The following ETV4 variants were observed in gnomAD, a reference collection of about 807,000 sequenced individuals.
ETV4 encodes the protein ETS variant transcription factor 4.
ETV4 carries 42 observed loss-of-function variants against 65.9 expected under a neutral mutation model. That is an observed-to-expected ratio of 0.64 (90% confidence interval 0.50 to 0.82). The LOEUF (loss-of-function observed/expected upper bound fraction) is 0.82, where lower values mean the gene tolerates loss of function less well. ETV4 is among the 40% of genes least tolerant of loss of function. ETV4 has a pLI of 0.00. For synonymous variants in ETV4, 238 were observed against 260.0 expected (o/e 0.92, Z 0.81); for missense variants, 583 against 630.3 (o/e 0.92, Z 0.80).
At chr17:43,532,447 A>G (rs1746862393) in intron 8 of ETV4, among the ~76,000 whole-genome samples, 1 of 152,058 alleles carries the variant, frequency 6.6e-6, no homozygotes, top group African/African-American at 2.4e-5. Context: ...TGCAGTGAGC[A>G]GAGATCGTGC....
intron 10 of ETV4, 26 bp downstream of exon 10, chr17:43,529,858 C>T (rs1200133092): frequency 1.9e-6 from 3 of 1,612,812 alleles, no homozygotes; most frequent in Non-Finnish European, 2.5e-6. Context: ...GACCTTGACC[C>T]TCCCATCAAC....
Position 43,533,172 on chromosome 17 carries a change from T to C in ETV4, c.545+15A>G, listed in dbSNP as rs778225245. On this transcript the variant is annotated intron_variant, in intron 7 of 12. Coordinates refer to ENST00000319349, the MANE Select transcript of ETV4 (RefSeq NM_001079675.5). ...CACCTGGGCCCATGAGCAGTGGGTT[T>C]CCCTGTCTCCTTACCTATGTTCCCC... 1 of 1,612,766 alleles carries C rather than the reference T, an allele frequency of 6.2e-7. No homozygotes were observed.
chr17:43,545,641 G>T lies in ETV4; in HGVS notation c.-24C>A. The T allele has an allele frequency of 6.5e-7, 1 of 1,549,686 alleles. No individual in the cohort carries two copies. The highest frequency in any genetic ancestry group is 8.7e-7 in the Non-Finnish European group (1 of 1,146,648). On this transcript the variant is annotated 5_prime_UTR_variant, in exon 2 of 13. Transcript: ENST00000319349. ...ATCCGGCCGCTCCCTCCGGCCGCAC[G>T]GCCGGGGCCCCAAGCGGGGGCCGAG...
chr17:43,529,020 G>A, intron 12 of ETV4, 115 bp downstream of exon 12: 1 of 1,016,220 alleles, frequency 9.8e-7, no homozygotes, highest in Non-Finnish European at 1.5e-6. Flanking sequence ...CTCTCTGACT[G>A]ATTCATTATC....
chr17:43,528,674 C>G lies in ETV4; in HGVS notation c.1300G>C (p.Asp434His), dbSNP rs1253256854. 5 of 1,614,042 alleles carry G rather than the reference C, an allele frequency of 3.1e-6. No homozygotes were observed. Among genetic ancestry groups the G allele is most frequent in the Non-Finnish European group, 4.2e-6 (5 of 1,180,046 alleles). ...PEALFSLAFP[D>H]NQRPALKAEF... is the part of the protein sequence containing the mutation. ...GCCTTGAGAGCTGGACGCTGATTGT[C>G]CGGGAAGGCCAAAGAGAAGAGGGCC... is the stretch of plus-strand genomic sequence containing the variant. The change falls in exon 13 of 13, where the codon GAC becomes CAC. Residue 434 changes from aspartate (D) to histidine (H), a missense_variant. By Grantham distance (81) the Asp-to-His change is moderately conservative (BLOSUM62 -1). Transcript: ENST00000319349.
chr17:43,532,424 G>A (rs568532652), intron 8 of ETV4, among the ~76,000 whole-genome samples: 6 of 152,136 alleles, frequency 3.9e-5, no homozygotes, highest in Admixed American at 3.3e-4. Flanking sequence ...GCTTGAACCC[G>A]GTAGGCAGAG....
At chr17:43,541,885 G>C (rs1384371406) in intron 4 of ETV4, among the ~76,000 whole-genome samples, 3 of 152,208 alleles carry the variant, frequency 2.0e-5, no homozygotes, top group Non-Finnish European at 4.4e-5. Context: ...AGCTGGGAAA[G>C]ATTAGGGAGG....
At chr17:43,533,414 T>C (rs1971068531) in intron 6 of ETV4, 66 bp from the exon 7 acceptor site, 1 of 1,487,498 alleles carries the variant, frequency 6.7e-7, no homozygotes, top group Non-Finnish European at 9.2e-7. Flanking sequence ...GAACCCTTCA[T>C]TCCTAGGAAA....
intron 6 of ETV4, among the ~76,000 whole-genome samples, 164 bp from the exon 7 acceptor site, chr17:43,533,512 C>A (rs1313002948): frequency 6.6e-6 from 1 of 152,092 alleles, no homozygotes; most frequent in African/African-American, 2.4e-5. Flanking sequence ...CTAGCCAATT[C>A]TTTTCTTTTT....
rs2154587340 is a variant in ETV4 at position 43,545,587 on chromosome 17, C to T, written c.31G>A (p.Asp11Asn). The change falls in exon 2 of 13, where the codon GAC (aspartate) becomes AAC (asparagine). Residue 11 changes from aspartate (D) to asparagine (N), a missense_variant. Transcript: ENST00000319349. Reference sequence around the variant, plus strand: ...CTGAAGGTGTAGGGCACTTGCTGGTCCAAGTATCCGGCTTTCATCCTCCGC... The same window carrying T: ...CTGAAGGTGTAGGGCACTTGCTGGTTCAAGTATCCGGCTTTCATCCTCCGC... MERRMKAGYL[D>N]QQVPYTFSSK... The T allele has an allele frequency of 1.9e-6, 3 of 1,550,862 alleles. No individual in the cohort carries two copies. The highest frequency in any genetic ancestry group is 2.6e-6 in the Non-Finnish European group (3 of 1,146,888).
intron 4 of ETV4, among the ~76,000 whole-genome samples, chr17:43,540,369 C>T (rs1971460829): frequency 6.6e-6 from 1 of 152,196 alleles, no homozygotes; most frequent in Non-Finnish European, 1.5e-5. Context: ...AGGAGAATCG[C>T]TTGAACCCAG....
intron 3 of ETV4, 49 bp downstream of exon 3, chr17:43,545,225 G>A: frequency 8.7e-7 from 1 of 1,148,978 alleles, no homozygotes; most frequent in Non-Finnish European, 1.3e-6. Flanking sequence ...GTGTGTGTGT[G>A]TGTGTGTGTG....
At chr17:43,540,719 A>G (rs1971476654) in intron 4 of ETV4, among the ~76,000 whole-genome samples, 1 of 152,154 alleles carries the variant, frequency 6.6e-6, no homozygotes, top group African/African-American at 2.4e-5. Flanking sequence ...AAATCTGTCC[A>G]CCTGCCCAGG....
intron 4 of ETV4, among the ~76,000 whole-genome samples, chr17:43,536,703 A>G (rs1186635462): frequency 1.3e-5 from 2 of 152,270 alleles, no homozygotes; most frequent in African/African-American, 4.8e-5. Flanking sequence ...AAATCTCATA[A>G]TGTTTTAAGA....
intron 4 of ETV4, among the ~76,000 whole-genome samples, chr17:43,542,255 C>T (rs886387992): frequency 6.6e-6 from 1 of 152,054 alleles, no homozygotes; most frequent in African/African-American, 2.4e-5. Context: ...GGTGCACTTC[C>T]AGCAATTTTA....
rs748781431 is a variant in ETV4 at position 43,529,928 on chromosome 17, C to T, written c.911G>A (p.Arg304Gln). 35 of 1,614,012 alleles carry T rather than the reference C, an allele frequency of 2.2e-5. No homozygotes were observed. The highest frequency in any genetic ancestry group is 1.7e-4 in the Admixed American group (10 of 59,996). Reference protein sequence around the residue: ...AMGYGYEKPLRPFPDDVCVVP... With the variant: ...AMGYGYEKPLQPFPDDVCVVP... ...AACGCAGACATCATCTGGGAATGGTCGCAGAGGTTTCTCATAGCCATAGCC... is the reference window on the plus strand; with the variant it reads ...AACGCAGACATCATCTGGGAATGGTTGCAGAGGTTTCTCATAGCCATAGCC... Residue 304 changes from arginine to glutamine, a missense_variant, in exon 10 of 13, where the codon CGA (arginine) becomes CAA (glutamine). Transcript: ENST00000319349.
intron 4 of ETV4, among the ~76,000 whole-genome samples, chr17:43,538,683 T>G (rs948879127): frequency 2.0e-5 from 3 of 152,070 alleles, no homozygotes; most frequent in Non-Finnish European, 2.9e-5. Context: ...TTTGCCCCTC[T>G]CTCAAAAATA....
In ETV4 at chr17:43,529,625, T is replaced by A; in HGVS notation, c.1007A>T (p.Gln336Leu). Reference sequence around the variant, plus strand: ...CCACAGCTGCAGGGCACCCCGGCGCTGGTAGGGCGGCCCCTCTCGAAATGC... The same window carrying A: ...CCACAGCTGCAGGGCACCCCGGCGCAGGTAGGGCGGCCCCTCTCGAAATGC... The part of the protein sequence containing the change: ...VGAFREGPPY[Q>L]RRGALQLWQF... Residue 336 changes from glutamine (Q) to leucine (L), a missense_variant, in exon 11 of 13, where the codon CAG becomes CTG. Transcript: ENST00000319349. 1 of 1,614,034 alleles carries A rather than the reference T, an allele frequency of 6.2e-7. No homozygotes were observed. Among genetic ancestry groups the A allele is most frequent in the East Asian group, 2.2e-5 (1 of 44,854 alleles).
intron 8 of ETV4, among the ~76,000 whole-genome samples, chr17:43,531,039 CCCT>C (rs1970904855): frequency 6.6e-6 from 1 of 152,152 alleles, no homozygotes; most frequent in African/African-American, 2.4e-5. Flanking sequence ...AAGAGTGCCT[CCCT>C]CCTCCTCTCC....
Sources: gnomAD v4.1 joint callset for allele counts (sites outside exome capture counted in the v4.1 genomes callset) on GRCh38, gnomAD v4.1.1 for gene constraint, MANE v1.5 for transcripts, NCBI Gene and HGNC (gene_info 2026-07-23, HGNC 2026-07-21) for gene names.